The following FARSB variants were observed in gnomAD, a reference collection of about 807,000 sequenced individuals.
FARSB encodes phenylalanyl-tRNA synthetase subunit beta.
Under a neutral mutation model 69.6 loss-of-function variants are expected in FARSB, and 40 were observed. The ratio of observed to expected loss-of-function variants is 0.57; its 90% CI spans 0.45 to 0.75. The LOEUF is 0.75. FARSB is among the 30% of genes least tolerant of loss of function. FARSB has a pLI of 0.00. For synonymous variants in FARSB, 235 were observed against 247.2 expected (o/e 0.95, Z 0.46); for missense variants, 632 against 722.9 (o/e 0.87, Z 1.44).
chr2:222,599,838 C>T (rs1030624041), intron 16 of FARSB, 90 bp downstream of exon 16: 1 of 1,034,318 alleles, frequency 9.7e-7, no homozygotes, highest in African/African-American at 1.6e-5. Context: ...TTTCTAAAAT[C>T]CCAAATCAAA....
chr2:222,648,175 G>A (rs1286383659), intron 2 of FARSB, among the ~76,000 whole-genome samples: 2 of 151,954 alleles, frequency 1.3e-5, no homozygotes, highest in Admixed American at 6.6e-5. Flanking sequence ...ATGTATAGCC[G>A]ACTTGATTTT....
Position 222,577,339 on chromosome 2 carries a change from C to T in FARSB, c.1619-5317G>A, listed in dbSNP as rs546201168. On this transcript the variant is annotated intron_variant, in intron 16 of 16. Transcript: ENST00000281828. ...ACCTAAAGTCTGTAAAGAGAGGGGA[C>T]CTAATCCCTTGAGTTTAATGACCAT... 9.3e-4 allele frequency among the ~76,000 whole-genome samples: 142 copies of T among 152,238 alleles called. 1 individual carries two copies. The South Asian group carries it at 0.029, about 31-fold the overall frequency.
At chr2:222,640,814 G>T (rs1691701170) in intron 4 of FARSB, 48 bp downstream of exon 4, 2 of 1,004,016 alleles carry the variant, frequency 2.0e-6, no homozygotes, top group Non-Finnish European at 3.0e-6. Flanking sequence ...ATACAGACAT[G>T]TACAAAAGAA....
intron 4 of FARSB, among the ~76,000 whole-genome samples, chr2:222,640,401 G>A (rs1413467401): frequency 6.8e-6 from 1 of 146,380 alleles, no homozygotes; most frequent in South Asian, 2.2e-4. Flanking sequence ...GCAGGGGAAG[G>A]ATCCTTTGAG....
intron 2 of FARSB, among the ~76,000 whole-genome samples, chr2:222,646,694 T>C (rs996606560): frequency 2.0e-5 from 3 of 152,208 alleles, no homozygotes; most frequent in Non-Finnish European, 2.9e-5. Flanking sequence ...TGCTAAAATA[T>C]CCATCTCGTC....
rs532279811 is a variant in FARSB, at chr2:222,624,928, A to G, written c.901-153T>C. Among the ~76,000 whole-genome samples, 16 of 152,350 alleles carry G rather than the reference A, an allele frequency of 1.1e-4. No homozygotes were observed. The South Asian group carries it at 3.1e-3, about 30-fold the overall frequency. ...ATAAACTTGATGTTTCAAAAACAGT[A>G]TTATGAGGGATAAATTTGCTATATT... On this transcript the variant is annotated intron_variant, in intron 10 of 16. Transcript: ENST00000281828.
chr2:222,637,298 CA>C (rs1691607622), intron 5 of FARSB, among the ~76,000 whole-genome samples: 1 of 152,258 alleles, frequency 6.6e-6, no homozygotes, highest in East Asian at 1.9e-4. Flanking sequence ...AAAGCAGGCC[CA>C]GTGGAGTCCA....
chr2:222,611,800 T>C (rs1690860434), intron 15 of FARSB, among the ~76,000 whole-genome samples: 1 of 152,104 alleles, frequency 6.6e-6, no homozygotes, highest in Non-Finnish European at 1.5e-5. Flanking sequence ...AGGACTAAAA[T>C]ACTGCCAAGT....
intron 16 of FARSB, among the ~76,000 whole-genome samples, chr2:222,596,447 C>T (rs780260196): frequency 2.6e-5 from 4 of 151,976 alleles, no homozygotes; most frequent in Admixed American, 6.6e-5. Flanking sequence ...GTATAAGTGC[C>T]GACGTAACTG....
intron 2 of FARSB, among the ~76,000 whole-genome samples, chr2:222,644,161 C>G (rs1176570696): frequency 1.3e-5 from 2 of 152,046 alleles, no homozygotes; most frequent in Admixed American, 1.3e-4. Context: ...AATTTTTGTC[C>G]AAATTAAGAA....
At chr2:222,641,886 A>G (rs1691727243) in intron 3 of FARSB, among the ~76,000 whole-genome samples, 1 of 152,250 alleles carries the variant, frequency 6.6e-6, no homozygotes, top group Admixed American at 6.5e-5. Flanking sequence ...AATCTAGCCC[A>G]TCAGTTAGAA....
At chr2:222,614,018 G>A in intron 14 of FARSB, 90 bp from the exon 15 acceptor site, 1 of 671,496 alleles carries the variant, frequency 1.5e-6, no homozygotes, top group South Asian at 2.3e-5. Flanking sequence ...GAAAGACTAT[G>A]GCTTCATAGG....
At chr2:222,637,274 G>C (rs1443795018) in intron 5 of FARSB, among the ~76,000 whole-genome samples, 3 of 152,188 alleles carry the variant, frequency 2.0e-5, no homozygotes, top group Non-Finnish European at 4.4e-5. Flanking sequence ...GGTGAGCCCT[G>C]ACTATAGGGC....
intron 16 of FARSB, among the ~76,000 whole-genome samples, chr2:222,588,506 G>C (rs1440594649): frequency 6.6e-5 from 10 of 152,150 alleles, no homozygotes; most frequent in Non-Finnish European, 1.3e-4. Context: ...GGAAGTTCTG[G>C]CCAGGGCAAT....
chr2:222,655,489 G>A (rs774743641), intron 1 of FARSB, among the ~76,000 whole-genome samples: 4 of 152,148 alleles, frequency 2.6e-5, no homozygotes, highest in Non-Finnish European at 5.9e-5. Context: ...GCCTCCATCA[G>A]ACAGAACGTG....
At chr2:222,605,161 T>TCTCTCTCTCTCTC (rs1690667824) in intron 15 of FARSB, among the ~76,000 whole-genome samples, 26 of 132,672 alleles carry the variant, frequency 2.0e-4, no homozygotes, top group Non-Finnish European at 2.7e-4. Context: ...AATACAAACT[T>TCTCTCTCTCTCTC]TCTCTCTCTC....
chr2:222,612,000 T>C lies in FARSB; in HGVS notation c.1462+1811A>G, dbSNP rs181743037. On this transcript the variant is annotated intron_variant, in intron 15 of 16. Coordinates refer to ENST00000281828, the MANE Select transcript of FARSB (RefSeq NM_005687.5). ...AATTAACCTAACCCTGATTTATAAATGTAACCATATATTTATAAACATGAA... is the reference window on the plus strand; with the variant it reads ...AATTAACCTAACCCTGATTTATAAACGTAACCATATATTTATAAACATGAA... Among the ~76,000 whole-genome samples, 639 of 152,194 alleles carry C rather than the reference T, an allele frequency of 4.2e-3. 9 individuals carry two copies. The highest frequency in any genetic ancestry group is 2.9e-3 in the Non-Finnish European group (197 of 68,012).
intron 4 of FARSB, among the ~76,000 whole-genome samples, chr2:222,640,113 T>TA (rs144693935): frequency 4.0e-4 from 61 of 151,502 alleles, no homozygotes; most frequent in African/African-American, 9.7e-4. Context: ...ATTCCTAGGT[T>TA]AAAAAAAAAT....
At chr2:222,601,128 T>TG (rs1690546201) in intron 15 of FARSB, among the ~76,000 whole-genome samples, 2 of 152,148 alleles carry the variant, frequency 1.3e-5, no homozygotes, top group Admixed American at 6.5e-5. Context: ...GGAAAGGGAA[T>TG]GGGGAATTGA....
Sources: gnomAD v4.1 joint callset for allele counts (sites outside exome capture counted in the v4.1 genomes callset) on GRCh38, gnomAD v4.1.1 for gene constraint, MANE v1.5 for transcripts, NCBI Gene and HGNC (gene_info 2026-07-23, HGNC 2026-07-21) for gene names.